The following ACAP2 variants were observed in gnomAD, a reference collection of about 807,000 sequenced individuals.
ACAP2 encodes the protein ArfGAP with coiled-coil, ankyrin repeat and PH domains 2, also known as arf-GAP with coiled-coil, ANK repeat and PH domain-containing protein 2.
In ACAP2, 39 loss-of-function variants were observed where a neutral mutation model predicts 115.8. The observed-to-expected ratio is 0.34, with a 90% CI of 0.26 to 0.44. The LOEUF is 0.44. Among genes scored for constraint, ACAP2 ranks in the 20% least tolerant of loss-of-function variants. The pLI is 1.00. For missense variants in ACAP2, 662 were observed against 927.6 expected (o/e 0.71, Z 3.72); for synonymous variants, 289 against 315.8 (o/e 0.92, Z 0.90).
At chr3:195,341,817 G>C (rs1730897595) in intron 6 of ACAP2, among the ~76,000 whole-genome samples, 1 of 152,084 alleles carries the variant, frequency 6.6e-6, no homozygotes, top group African/African-American at 2.4e-5. Flanking sequence ...GTAAAAACTT[G>C]AACACCACAA....
chr3:195,392,251 T>C (rs1734730834), intron 1 of ACAP2, 104 bp from the exon 2 acceptor site: 3 of 878,328 alleles, frequency 3.4e-6, no homozygotes, highest in African/African-American at 1.7e-5. Flanking sequence ...TGCTTAAAAA[T>C]TACACTTCAC....
At chr3:195,423,401 T>A (rs1714345423) in intron 1 of ACAP2, among the ~76,000 whole-genome samples, 1 of 152,082 alleles carries the variant, frequency 6.6e-6, no homozygotes, top group African/African-American at 2.4e-5. Flanking sequence ...GGCAGGCGGA[T>A]CATCTAAGGT....
intron 21 of ACAP2, among the ~76,000 whole-genome samples, chr3:195,286,346 T>C (rs575537489): frequency 6.6e-6 from 1 of 152,352 alleles, no homozygotes; most frequent in South Asian, 2.1e-4. Flanking sequence ...TTATAATAAA[T>C]GACTATAGGT....
Position 195,351,001 on chromosome 3 carries a change from T to TA in ACAP2, c.286-5685dup, listed in dbSNP as rs969473068. Reference sequence around the variant, plus strand: ...GAACAAAATCAATAAACTGACTTCATAAAAAAAAAGTTTGATCTTTAAAAA... The same window carrying TA: ...GAACAAAATCAATAAACTGACTTCATAAAAAAAAAAGTTTGATCTTTAAAAA... On this transcript the variant is annotated intron_variant, in intron 4 of 22. Transcript: ENST00000326793. Among the ~76,000 whole-genome samples the TA allele has an allele frequency of 5.4e-5, 8 of 147,126 alleles. No individual in the cohort carries two copies. In the East Asian group the frequency reaches 1.0e-3, roughly 19 times the overall value.
At chr3:195,305,303 G>C (rs771383542) in intron 13 of ACAP2, among the ~76,000 whole-genome samples, 3 of 152,172 alleles carry the variant, frequency 2.0e-5, no homozygotes, top group Non-Finnish European at 4.4e-5. Flanking sequence ...AGAGCAACTG[G>C]AGAGGAGAAA....
chr3:195,317,035 T>A (rs900701161), intron 10 of ACAP2, among the ~76,000 whole-genome samples: 1 of 151,418 alleles, frequency 6.6e-6, no homozygotes, highest in South Asian at 2.1e-4. Flanking sequence ...GTAGCTGGGA[T>A]TATAGGCATA....
chr3:195,381,893 T>G lies in ACAP2; in HGVS notation c.231+10A>C, dbSNP rs768660953. Reference sequence around the variant, plus strand: ...TTTTCATTTTTAACTGCAATTTTAGTAATACTAACCTCAACGACAGCATCA... The same window carrying G: ...TTTTCATTTTTAACTGCAATTTTAGGAATACTAACCTCAACGACAGCATCA... On this transcript the variant is annotated intron_variant, in intron 3 of 22. Coordinates refer to ENST00000326793, the MANE Select transcript of ACAP2 (RefSeq NM_012287.6). 3 of 1,569,700 alleles carry G rather than the reference T, an allele frequency of 1.9e-6. No homozygotes were observed. The Admixed American group carries it at 6.4e-5, about 33-fold the overall frequency.
intron 5 of ACAP2, among the ~76,000 whole-genome samples, chr3:195,344,414 A>G (rs1731065183): frequency 6.6e-6 from 1 of 152,204 alleles, no homozygotes; most frequent in Non-Finnish European, 1.5e-5. Context: ...TTAATGTGAA[A>G]AAGAAAAACT....
At chr3:195,338,544 C>T (rs908166343) in intron 6 of ACAP2, among the ~76,000 whole-genome samples, 3 of 152,112 alleles carry the variant, frequency 2.0e-5, no homozygotes, top group African/African-American at 4.8e-5. Flanking sequence ...TGGTCTCAAA[C>T]TCCTCGCTTC....
intron 1 of ACAP2, among the ~76,000 whole-genome samples, chr3:195,433,964 A>C (rs2410792): frequency 0.3 from 46,132 of 151,946 alleles, 8,062 homozygotes; most frequent in East Asian, 0.82. Context: ...AGGTCTCACT[A>C]TGTCACACAG....
At chr3:195,373,221 T>C (rs1234527579) in intron 4 of ACAP2, among the ~76,000 whole-genome samples, 3 of 151,736 alleles carry the variant, frequency 2.0e-5, no homozygotes, top group Admixed American at 6.6e-5. Context: ...AGCCCAGAAG[T>C]TCGTTTAAAA....
At chr3:195,359,613 G>A (rs1285973899) in intron 4 of ACAP2, among the ~76,000 whole-genome samples, 11 of 152,200 alleles carry the variant, frequency 7.2e-5, no homozygotes, top group East Asian at 3.9e-4. Context: ...GACTACAGGC[G>A]CCCGCCACCA....
In ACAP2 at chr3:195,295,759, T is replaced by C. The variant is rs1391725454; in HGVS notation, c.1621A>G (p.Ile541Val). Residue 541 changes from isoleucine to valine, a missense_variant, in exon 17 of 23, where the codon ATT becomes GTT. By Grantham distance (29) the Ile-to-Val change is conservative. This residue lies in a region of ACAP2 where 133 missense variants were observed against 123.1 expected (regional missense o/e 1.08). Transcript: ENST00000326793. ...TGGTCCCCTGGCCCAAATTTAGAAA[T>C]GCTCAGCCTCTTTTCTTCAGAACTT... ...SKSSEEKRLSISKFGPGDQVR... is the reference protein window; with the variant it reads ...SKSSEEKRLSVSKFGPGDQVR... The C allele has an allele frequency of 6.2e-7, 1 of 1,614,144 alleles. No homozygotes were observed. Among genetic ancestry groups the C allele is most frequent in the Non-Finnish European group, 8.5e-7 (1 of 1,180,010 alleles).
At chr3:195,379,156 G>A (rs960708303) in intron 4 of ACAP2, among the ~76,000 whole-genome samples, 7 of 151,968 alleles carry the variant, frequency 4.6e-5, no homozygotes, top group African/African-American at 1.7e-4. Flanking sequence ...AAACTATTAC[G>A]TGGTCAAATT....
intron 4 of ACAP2, among the ~76,000 whole-genome samples, chr3:195,360,244 C>T (rs1292145129): frequency 2.0e-5 from 3 of 151,978 alleles, no homozygotes; most frequent in African/African-American, 7.2e-5. Context: ...TCACACAAAA[C>T]AGACTTCAAG....
At chr3:195,398,578 G>A (rs1013598884) in intron 1 of ACAP2, among the ~76,000 whole-genome samples, 11 of 151,462 alleles carry the variant, frequency 7.3e-5, no homozygotes, top group African/African-American at 1.2e-4. Flanking sequence ...CAGAGGTTGC[G>A]GTGAGCCAAG....
At chr3:195,364,794 A>C (rs1418304956) in intron 4 of ACAP2, among the ~76,000 whole-genome samples, 1 of 152,210 alleles carries the variant, frequency 6.6e-6, no homozygotes, top group East Asian at 1.9e-4. Flanking sequence ...CCAAAACAAA[A>C]GAAATCTGTG....
chr3:195,371,111 T>G (rs531783897), intron 4 of ACAP2, among the ~76,000 whole-genome samples: 1 of 152,334 alleles, frequency 6.6e-6, no homozygotes, highest in East Asian at 1.9e-4. Flanking sequence ...CTATCATTGA[T>G]AGTTTGATGG....
intron 4 of ACAP2, among the ~76,000 whole-genome samples, chr3:195,372,448 A>G (rs1040720546): frequency 1.3e-5 from 2 of 152,228 alleles, no homozygotes; most frequent in Non-Finnish European, 2.9e-5. Context: ...CGACCTCAGC[A>G]CCTGGGAGTC....
Sources: allele counts gnomAD v4.1 joint callset (sites outside exome capture counted in the v4.1 genomes callset), GRCh38; gene constraint gnomAD v4.1.1; regional missense constraint gnomAD v4.1.1; transcripts MANE v1.5; gene names NCBI Gene and HGNC (gene_info 2026-07-23, HGNC 2026-07-21).